The following SPMIP8 variants were observed in gnomAD, a reference collection of about 807,000 sequenced individuals.
The protein encoded by SPMIP8 is testicular tissue protein Li 196.
At chr16:57,987,340 AT>A in the SPMIP8 span, 1 of 1,456,168 alleles carries the variant, frequency 6.9e-7, no homozygotes, top group Admixed American at 2.7e-5. Context: ...GAAAAGCCTG[AT>A]TTTTCCCCTA....
chr16:57,985,781 G>T, the SPMIP8 span: 1 of 1,312,708 alleles, frequency 7.6e-7, no homozygotes, highest in Admixed American at 3.0e-5. Flanking sequence ...CGTTCGCATT[G>T]GGTGAAGGCG....
At chr16:57,984,623 G>GTGGCCC in the SPMIP8 span, 1 of 1,560,076 alleles carries the variant, frequency 6.4e-7, no homozygotes, top group Non-Finnish European at 8.7e-7. Flanking sequence ...CCTGACCCCC[G>GTGGCCC]TGGCCCTGTC....
At chr16:57,977,772 G>A in the SPMIP8 span, 3 of 1,581,154 alleles carry the variant, frequency 1.9e-6, no homozygotes, top group East Asian at 4.5e-5. Context: ...TGTCTGGCCA[G>A]CATGAGCCCA....
chr16:57,987,514 C>A, the SPMIP8 span: 1 of 1,452,566 alleles, frequency 6.9e-7, no homozygotes, highest in Non-Finnish European at 9.3e-7. Flanking sequence ...TGGCACCAGC[C>A]ATCTCCCCAG....
At chr16:57,985,816 G>C in the SPMIP8 span, 11 of 1,478,340 alleles carry the variant, frequency 7.4e-6, no homozygotes, top group South Asian at 1.5e-4. Flanking sequence ...AGGAGGGATG[G>C]CGGGGAGAGG....
the SPMIP8 span, chr16:57,985,351 G>T: frequency 2.2e-5 from 35 of 1,576,070 alleles, no homozygotes; most frequent in Non-Finnish European, 3.0e-5. Context: ...GGTTGAGGGG[G>T]GAGGAGACCC....
chr16:57,985,137 T>TA, the SPMIP8 span: 2 of 1,369,874 alleles, frequency 1.5e-6, no homozygotes, highest in Non-Finnish European at 1.9e-6. Context: ...GGGCGGGGCT[T>TA]AGATGAGGAG....
the SPMIP8 span, among the ~76,000 whole-genome samples, chr16:57,977,209 A>G: frequency 6.6e-6 from 1 of 152,082 alleles, no homozygotes; most frequent in Non-Finnish European, 1.5e-5. Flanking sequence ...CAGGAGTTCG[A>G]GACCAGCCTG....
At chr16:57,985,674 C>A in the SPMIP8 span, 5,326 of 1,334,270 alleles carry the variant, frequency 4.0e-3, 13 homozygotes, top group Non-Finnish European at 5.0e-3. Context: ...CTCCAATACA[C>A]CAGAAACAAA....
the SPMIP8 span, chr16:57,986,035 T>C: frequency 6.9e-7 from 1 of 1,456,294 alleles, no homozygotes; most frequent in African/African-American, 1.4e-5. Context: ...GAAACCCCCC[T>C]GCCCCAGCGA....
the SPMIP8 span, among the ~76,000 whole-genome samples, chr16:57,981,543 A>T: frequency 1.1e-5 from 1 of 94,506 alleles, no homozygotes; most frequent in African/African-American, 4.6e-5. Flanking sequence ...ACAGAGTCTC[A>T]CTCTGTCACC....
the SPMIP8 span, chr16:57,988,013 C>G: frequency 6.6e-6 from 1 of 152,476 alleles, no homozygotes; most frequent in South Asian, 2.1e-4. Context: ...TGTGACGCAA[C>G]AGAATGTAGA....
chr16:57,984,691 C>G, the SPMIP8 span: 1 of 1,595,328 alleles, frequency 6.3e-7, no homozygotes, highest in Non-Finnish European at 8.5e-7. Context: ...GGAAAGCTGG[C>G]GCCCATCGCG....
chr16:57,977,546 C>T, the SPMIP8 span, among the ~76,000 whole-genome samples: 51,645 of 147,718 alleles, frequency 0.35, 11,756 homozygotes, highest in African/African-American at 0.67. Flanking sequence ...CCCTCACAGC[C>T]ATGGCACAAT....
At chr16:57,987,358 C>A in the SPMIP8 span, 1 of 1,508,520 alleles carries the variant, frequency 6.6e-7, no homozygotes, top group Non-Finnish European at 8.8e-7. Flanking sequence ...CCTAGGACAC[C>A]CTGGAAACCC....
At chr16:57,980,005 G>A in the SPMIP8 span, among the ~76,000 whole-genome samples, 2 of 152,282 alleles carry the variant, frequency 1.3e-5, no homozygotes, top group Non-Finnish European at 2.9e-5. Context: ...CGGAGGTTGC[G>A]ATGAGCCGAG....
At chr16:57,981,395 TATTATTATTATAATAATA>T in the SPMIP8 span, among the ~76,000 whole-genome samples, 1 of 127,804 alleles carries the variant, frequency 7.8e-6, no homozygotes, top group Non-Finnish European at 1.7e-5. Flanking sequence ...TAATAATAAT[TATTATTATTATAATAATA>T]ATTATTATTA....
the SPMIP8 span, chr16:57,978,034 G>A: frequency 2.4e-5 from 38 of 1,613,034 alleles, no homozygotes; most frequent in East Asian, 3.3e-4. Flanking sequence ...ACCTACTGCC[G>A]CAAAGGTTAG....
the SPMIP8 span, chr16:57,984,449 C>A: frequency 1.3e-6 from 2 of 1,570,928 alleles, no homozygotes; most frequent in Non-Finnish European, 1.7e-6. Context: ...ACCCCGCGCA[C>A]CTTCTCAGGT....
Sources: allele counts gnomAD v4.1 joint callset (sites outside exome capture counted in the v4.1 genomes callset), GRCh38; gene constraint gnomAD v4.1.1; transcripts MANE v1.5; gene names NCBI Gene and HGNC (gene_info 2026-07-23, HGNC 2026-07-21).